NALF1: variants seen among roughly 807,000 people sequenced by gnomAD.
The protein encoded by NALF1 is family with sequence similarity 155 member A.
NALF1 carries 3 observed loss-of-function variants against 48.4 expected under a neutral mutation model. The ratio of observed to expected loss-of-function variants is 0.06; its 90% confidence interval spans 0.03 to 0.16. The LOEUF (loss-of-function observed/expected upper bound fraction) is 0.16, where lower values mean the gene tolerates loss of function less well. NALF1 is among the 10% of genes least tolerant of loss of function. NALF1 has a pLI of 1.00. For synonymous variants in NALF1, 262 were observed against 245.7 expected, an observed-to-expected ratio of 1.07 and a Z score of -0.62; for missense variants, 526 against 571.5, an observed-to-expected ratio of 0.92 and a Z score of 0.81.
chr13:107,206,878 G>A (rs1041790639), intron 2 of NALF1, among the ~76,000 whole-genome samples: 1 of 152,170 alleles, frequency 6.6e-6, no homozygotes, highest in Non-Finnish European at 1.5e-5. Flanking sequence ...AAGAATCCTC[G>A]ATATCCTAGA....
At chr13:107,623,796 G>C (rs1347361012) in intron 1 of NALF1, among the ~76,000 whole-genome samples, 1 of 152,094 alleles carries the variant, frequency 6.6e-6, no homozygotes, top group Non-Finnish European at 1.5e-5. Context: ...ACAATAATGA[G>C]GAAAGCCTTC....
At chr13:107,521,668 T>C (rs1240973648) in intron 1 of NALF1, among the ~76,000 whole-genome samples, 1 of 152,108 alleles carries the variant, frequency 6.6e-6, no homozygotes, top group Admixed American at 6.6e-5. Flanking sequence ...GTATATCGTA[T>C]GTGCTTCAAG....
At chr13:107,431,050 GTGA>G (rs1884372816) in intron 1 of NALF1, among the ~76,000 whole-genome samples, 2 of 147,094 alleles carry the variant, frequency 1.4e-5, no homozygotes, top group African/African-American at 2.5e-5. Flanking sequence ...CTGATGGCCA[GTGA>G]TGATGAGCAT....
intron 1 of NALF1, among the ~76,000 whole-genome samples, chr13:107,244,425 A>C (rs1334626599): frequency 6.6e-6 from 1 of 152,226 alleles, no homozygotes; most frequent in African/African-American, 2.4e-5. Flanking sequence ...GCATATTATG[A>C]GTTGATTCAT....
intron 1 of NALF1, among the ~76,000 whole-genome samples, chr13:107,699,553 G>T (rs1432589660): frequency 1.3e-5 from 2 of 152,090 alleles, no homozygotes; most frequent in African/African-American, 4.8e-5. Flanking sequence ...AGTAAGAGGG[G>T]TATGAGGGAC....
intron 1 of NALF1, among the ~76,000 whole-genome samples, chr13:107,700,079 C>A (rs1881784348): frequency 6.6e-6 from 1 of 151,610 alleles, no homozygotes; most frequent in East Asian, 1.9e-4. Flanking sequence ...CCATACTACA[C>A]AAAGTAATAT....
At chr13:107,408,396 A>G (rs1367289704) in intron 1 of NALF1, among the ~76,000 whole-genome samples, 1 of 152,032 alleles carries the variant, frequency 6.6e-6, no homozygotes, top group Non-Finnish European at 1.5e-5. Flanking sequence ...TAACCCATAA[A>G]TATATACACC....
intron 1 of NALF1, among the ~76,000 whole-genome samples, chr13:107,822,803 A>C (rs1035231759): frequency 1.3e-5 from 2 of 152,224 alleles, no homozygotes; most frequent in Non-Finnish European, 2.9e-5. Flanking sequence ...AAAATCGTTA[A>C]ATATAAAAAG....
Position 107,258,707 on chromosome 13 carries a change from T to C in NALF1, c.916-47952A>G, listed in dbSNP as rs1010406833. Among the ~76,000 whole-genome samples the C allele has an allele frequency of 2.0e-5, 3 of 152,138 alleles. No homozygotes were observed. The South Asian group carries it at 6.2e-4, about 32-fold the overall frequency. On this transcript the variant is annotated intron_variant, in intron 1 of 2. Coordinates refer to ENST00000375915, the MANE Select transcript of NALF1 (RefSeq NM_001080396.3). Reference sequence around the variant, plus strand: ...AGTACTGAGCTCCTTTCTTATCCTATATTGACAAAATAAAAAAGCTTCCAA... The same window carrying C: ...AGTACTGAGCTCCTTTCTTATCCTACATTGACAAAATAAAAAAGCTTCCAA...
intron 1 of NALF1, among the ~76,000 whole-genome samples, chr13:107,856,790 C>A (rs969991636): frequency 6.6e-6 from 1 of 152,156 alleles, no homozygotes; most frequent in African/African-American, 2.4e-5. Context: ...TGTAGCCCAA[C>A]CTGCAACCCA....
At chr13:107,566,436 G>GTAT (rs1215454185) in intron 1 of NALF1, among the ~76,000 whole-genome samples, 1 of 152,144 alleles carries the variant, frequency 6.6e-6, no homozygotes, top group Admixed American at 6.5e-5. Context: ...TGGCCCTGGA[G>GTAT]TATTAGCTCA....
chr13:107,315,714 C>T (rs1204280653), intron 1 of NALF1, among the ~76,000 whole-genome samples: 1 of 151,872 alleles, frequency 6.6e-6, no homozygotes, highest in Admixed American at 6.6e-5. Context: ...TTTCTATGCT[C>T]AGCTTGCTTC....
intron 1 of NALF1, among the ~76,000 whole-genome samples, chr13:107,215,605 A>G (rs770847489): frequency 3.3e-5 from 5 of 152,210 alleles, no homozygotes; most frequent in Admixed American, 6.5e-5. Context: ...ATGTGAAGCC[A>G]CGAACTCTAG....
chr13:107,762,395 G>A lies in NALF1; in HGVS notation c.915+103287C>T, dbSNP rs1017447781. 1.2e-4 allele frequency among the ~76,000 whole-genome samples: 18 copies of A among 152,156 alleles called. 1 individual carries two copies. Among genetic ancestry groups the A allele is most frequent in the Admixed American group, 7.9e-4 (12 of 15,278 alleles). On this transcript the variant is annotated intron_variant, in intron 1 of 2. Coordinates refer to ENST00000375915, the MANE Select transcript of NALF1 (RefSeq NM_001080396.3). ...TACATATGTAACAAACCTGCACATT[G>A]TGCACATATAGCCTAGAACTTAAAG...
chr13:107,760,445 C>A (rs1393541006), intron 1 of NALF1, among the ~76,000 whole-genome samples: 4 of 152,180 alleles, frequency 2.6e-5, no homozygotes, highest in Non-Finnish European at 5.9e-5. Flanking sequence ...GCTATTCTAA[C>A]TCAACCGAAC....
At chr13:107,456,132 T>G (rs980640235) in intron 1 of NALF1, among the ~76,000 whole-genome samples, 1 of 152,120 alleles carries the variant, frequency 6.6e-6, no homozygotes, top group Non-Finnish European at 1.5e-5. Context: ...ATAGAGGAGT[T>G]TTTTTCAATA....
intron 1 of NALF1, among the ~76,000 whole-genome samples, chr13:107,597,718 A>G (rs1369003420): frequency 6.6e-6 from 1 of 152,208 alleles, no homozygotes; most frequent in Non-Finnish European, 1.5e-5. Context: ...AAACCTATGA[A>G]TATCTAAATT....
At chr13:107,427,183 A>G (rs1884295160) in intron 1 of NALF1, among the ~76,000 whole-genome samples, 1 of 151,646 alleles carries the variant, frequency 6.6e-6, no homozygotes, top group Non-Finnish European at 1.5e-5. Flanking sequence ...GTACACAGAA[A>G]TTAAGTAGTT....
Position 107,274,225 on chromosome 13 carries a change from C to T in NALF1, c.916-63470G>A, listed in dbSNP as rs566709776. 5.9e-5 allele frequency among the ~76,000 whole-genome samples: 9 copies of T among 152,128 alleles called. No individual in the cohort carries two copies. The East Asian group carries it at 7.8e-4, about 13-fold the overall frequency. On this transcript the variant is annotated intron_variant, in intron 1 of 2. Transcript: ENST00000375915. ...AGTCATTTTCTTTTTAGAACATCTA[C>T]GGCACCAAATGCACCAGCGAATGAC... is the stretch of plus-strand genomic sequence containing the variant.
Sources: allele counts gnomAD v4.1 joint callset (sites outside exome capture counted in the v4.1 genomes callset), GRCh38; gene constraint gnomAD v4.1.1; transcripts MANE v1.5; gene names NCBI Gene and HGNC (gene_info 2026-07-23, HGNC 2026-07-21).